The following FN3KRP variants were observed in gnomAD, a reference collection of about 807,000 sequenced individuals.
The protein encoded by FN3KRP is ketosamine-3-kinase.
Under a neutral mutation model 29.8 loss-of-function variants are expected in FN3KRP, and 33 were observed. That is an observed-to-expected ratio of 1.11 (90% CI 0.84 to 1.48). The LOEUF (loss-of-function observed/expected upper bound fraction) is 1.48. Ranked by LOEUF, FN3KRP falls within the 40% of genes most tolerant of loss-of-function variation. FN3KRP has a pLI of 0.00. For missense variants in FN3KRP, 430 were observed against 402.6 expected (o/e 1.07, Z -0.58); for synonymous variants, 157 against 155.2 (o/e 1.01, Z -0.09).
chr17:82,721,482 T>G (rs1048636869), intron 3 of FN3KRP, among the ~76,000 whole-genome samples: 5 of 152,128 alleles, frequency 3.3e-5, no homozygotes, highest in Admixed American at 2.6e-4. Context: ...GGGCAGATTC[T>G]TTTTCCTCTT....
chr17:82,718,520 C>A (rs973602960), intron 1 of FN3KRP: 3 of 1,007,930 alleles, frequency 3.0e-6, no homozygotes, highest in Middle Eastern at 5.0e-4. Flanking sequence ...GAGTCTGTGT[C>A]CTGTAGGTGG....
chr17:82,719,350 C>T (rs900228509), intron 2 of FN3KRP, among the ~76,000 whole-genome samples: 1 of 152,232 alleles, frequency 6.6e-6, no homozygotes, highest in African/African-American at 2.4e-5. Flanking sequence ...GAGTGTAATG[C>T]AAAGAACCCG....
At chr17:82,721,507 T>A (rs1041072651) in intron 3 of FN3KRP, among the ~76,000 whole-genome samples, 1 of 152,086 alleles carries the variant, frequency 6.6e-6, no homozygotes, top group Non-Finnish European at 1.5e-5. Flanking sequence ...TATTTATTTT[T>A]ATTTTATTTT....
At chr17:82,725,949 G>A (rs1241239165) in intron 4 of FN3KRP, among the ~76,000 whole-genome samples, 4 of 152,162 alleles carry the variant, frequency 2.6e-5, no homozygotes, top group African/African-American at 7.2e-5. Context: ...AGGCTGAAGC[G>A]GGCAGATCAC....
At position 82,727,060 on chromosome 17, in the gene FN3KRP, C is replaced by G. The variant is rs148008327; in HGVS notation, c.819C>G (p.Phe273Leu). The change falls in exon 6 of 6, where the codon TTC becomes TTG. Residue 273 changes from phenylalanine to leucine, a missense_variant. Coordinates refer to ENST00000269373, the MANE Select transcript of FN3KRP (RefSeq NM_024619.4). The stretch of plus-strand genomic sequence containing the variant: ...GCAAAATCCCCAAGGCCCCAGGATT[C>G]GAGAAGCGCCTTCAGTTGTATCAGC... ...YHGKIPKAPG[F>L]EKRLQLYQLF... 3 of 1,614,020 alleles carry G rather than the reference C, an allele frequency of 1.9e-6. No individual in the cohort carries two copies. The highest frequency in any genetic ancestry group is 2.7e-5 in the African/African-American group (2 of 74,900).
chr17:82,722,591 C>G, intron 3 of FN3KRP: 1 of 532,516 alleles, frequency 1.9e-6, no homozygotes, highest in South Asian at 2.3e-5. Context: ...CTGGAGGCCA[C>G]AGGCTCCTAG....
At chr17:82,717,437 G>T (rs1208090126) in intron 1 of FN3KRP, among the ~76,000 whole-genome samples, 2 of 152,142 alleles carry the variant, frequency 1.3e-5, no homozygotes, top group Admixed American at 6.5e-5. Context: ...ACTCATTCTC[G>T]GGCCGGGCGC....
intron 2 of FN3KRP, among the ~76,000 whole-genome samples, chr17:82,719,259 C>T (rs1363956215): frequency 2.0e-5 from 3 of 152,244 alleles, no homozygotes; most frequent in East Asian, 3.8e-4. Flanking sequence ...GGTGCACCCT[C>T]ACACCAGCCC....
At chr17:82,718,695 A>G (rs2046776869) in intron 1 of FN3KRP, 5 of 1,249,714 alleles carry the variant, frequency 4.0e-6, no homozygotes, top group South Asian at 3.6e-5. Flanking sequence ...AACACTGGAA[A>G]GCTCAAGCCC....
chr17:82,724,210 C>T (rs1302377949), intron 4 of FN3KRP, among the ~76,000 whole-genome samples: 1 of 152,040 alleles, frequency 6.6e-6, no homozygotes, highest in Non-Finnish European at 1.5e-5. Flanking sequence ...GGGAGGATTG[C>T]TTAAGCCTGG....
intron 4 of FN3KRP, among the ~76,000 whole-genome samples, chr17:82,724,059 G>A (rs147143163): frequency 0.022 from 3,322 of 152,168 alleles, 139 homozygotes; most frequent in African/African-American, 0.076. Context: ...TTGGGAGGCC[G>A]AGGTGGGAGG....
chr17:82,718,361 G>A lies in FN3KRP; in HGVS notation c.142-545G>A, dbSNP rs750764733. On this transcript the variant is annotated intron_variant, in intron 1 of 5. Transcript: ENST00000269373. ...AGGGAGGAGTTGCTGTGGTCCCGGGGAGTTGGATGGAAACGGCATCTCAAG... is the reference window on the plus strand; with the variant it reads ...AGGGAGGAGTTGCTGTGGTCCCGGGAAGTTGGATGGAAACGGCATCTCAAG... 3 of 972,466 alleles carry A rather than the reference G, an allele frequency of 3.1e-6. No individual in the cohort carries two copies. The East Asian group carries it at 3.4e-4, about 110-fold the overall frequency. The allele number at this position is 972,466 out of a possible 1,614,324, so 60.2% of individuals were successfully genotyped here. A position where few individuals can be genotyped will look rare whatever the true frequency, so the allele number is the denominator to read the frequency against.
At position 82,727,829 on chromosome 17, in the gene FN3KRP, C is replaced by G. The variant is rs2046849844; in HGVS notation, c.*658C>G. On this transcript the variant is annotated 3_prime_UTR_variant, in exon 6 of 6. Transcript: ENST00000269373. ...GAGTCTTCATTGCTTCTGTTATTAC[C>G]CCGTCTCCTCTGCCATTTTCTACAG... The G allele has an allele frequency of 1.3e-5, 2 of 152,152 alleles. No homozygotes were observed. The highest frequency in any genetic ancestry group is 2.9e-5 in the Non-Finnish European group (2 of 68,034). The allele number at this position is 152,152 out of a possible 1,614,324, so 9.4% of individuals were successfully genotyped here.
intron 3 of FN3KRP, 167 bp from the exon 4 acceptor site, chr17:82,722,637 G>A: frequency 1.7e-6 from 1 of 603,336 alleles, no homozygotes; most frequent in Non-Finnish European, 2.9e-6. Context: ...AGCAGGCTCT[G>A]TTAGGGGTGT....
chr17:82,720,997 C>T (rs1287333667), intron 3 of FN3KRP: 3 of 152,278 alleles, frequency 2.0e-5, no homozygotes, highest in Non-Finnish European at 2.9e-5. Context: ...TCCCAGGTCG[C>T]CTGTCCTGTC....
Position 82,719,005 on chromosome 17 carries a change from G to A in FN3KRP, c.241G>A (p.Gly81Ser), listed in dbSNP as rs2046779384. ...PKPIKVLDAP[G>S]GGSVLVMEHM... ...GCCCATCAAGGTTCTGGATGCCCCA[G>A]GCGGCGGGAGCGTGCTGGTGATGGA... Residue 81 changes from glycine to serine, a missense_variant, in exon 2 of 6, where the codon GGC becomes AGC. Gly to Ser is a moderately conservative substitution (Grantham distance 56). Coordinates refer to ENST00000269373, the MANE Select transcript of FN3KRP (RefSeq NM_024619.4). The A allele has an allele frequency of 5.6e-6, 9 of 1,614,102 alleles. No homozygotes were observed. The highest frequency in any genetic ancestry group is 7.6e-6 in the Non-Finnish European group (9 of 1,180,042).
chr17:82,720,642 GT>G, intron 3 of FN3KRP: 1 of 307,526 alleles, frequency 3.3e-6, no homozygotes. Context: ...CCCCAGAAGA[GT>G]GTAAGCAGAG....
intron 5 of FN3KRP, 113 bp from the exon 6 acceptor site, chr17:82,726,720 G>A (rs1364574725): frequency 2.7e-6 from 4 of 1,508,362 alleles, no homozygotes; most frequent in Non-Finnish European, 2.7e-6. Context: ...GGAAGCGGGT[G>A]CCTGGTGGTG....
chr17:82,717,085 C>T (rs558681883), intron 1 of FN3KRP, among the ~76,000 whole-genome samples, 189 bp downstream of exon 1: 66 of 152,234 alleles, frequency 4.3e-4, no homozygotes, highest in Non-Finnish European at 7.8e-4. Flanking sequence ...GCGGAAGCGT[C>T]CGGGGCGTCC....
Sources: allele counts gnomAD v4.1 joint callset (sites outside exome capture counted in the v4.1 genomes callset), GRCh38; gene constraint gnomAD v4.1.1; transcripts MANE v1.5; gene names NCBI Gene and HGNC (gene_info 2026-07-23, HGNC 2026-07-21).